CTNND2: variants seen among roughly 807,000 people sequenced by gnomAD.
CTNND2 encodes the protein catenin delta 2.
A neutral mutation model predicts 144.4 loss-of-function variants in CTNND2; 22 were observed. The ratio of observed to expected loss-of-function variants is 0.15; its 90% CI spans 0.11 to 0.22. CTNND2 has a LOEUF of 0.22. Among genes scored for constraint, CTNND2 ranks in the 10% least tolerant of loss-of-function variants. The pLI is 1.00. For synonymous variants in CTNND2, 751 were observed against 695.6 expected (o/e 1.08, Z -1.25); for missense variants, 1,353 against 1,618.8 (o/e 0.84, Z 2.82).
chr5:11,578,985 G>A (rs1484986574), intron 2 of CTNND2, among the ~76,000 whole-genome samples: 1 of 152,106 alleles, frequency 6.6e-6, no homozygotes, highest in East Asian at 1.9e-4. Flanking sequence ...CAACAGGATT[G>A]ATTTTACTGT....
At chr5:11,514,398 T>G (rs1361096064) in intron 3 of CTNND2, among the ~76,000 whole-genome samples, 3 of 152,202 alleles carry the variant, frequency 2.0e-5, no homozygotes, top group Non-Finnish European at 4.4e-5. Flanking sequence ...CTAGTTATGT[T>G]CTTTTCCTGA....
At chr5:11,259,388 C>T (rs1744625049) in intron 9 of CTNND2, among the ~76,000 whole-genome samples, 1 of 152,150 alleles carries the variant, frequency 6.6e-6, no homozygotes, top group Non-Finnish European at 1.5e-5. Flanking sequence ...AGGTCAATTG[C>T]CCCTGCTGAG....
At chr5:11,892,889 C>A (rs1173632942) in intron 1 of CTNND2, among the ~76,000 whole-genome samples, 1 of 152,174 alleles carries the variant, frequency 6.6e-6, no homozygotes, top group Non-Finnish European at 1.5e-5. Context: ...AATTCTTATC[C>A]TCCCTTTCAA....
intron 9 of CTNND2, among the ~76,000 whole-genome samples, chr5:11,317,503 A>T (rs1751634015): frequency 6.6e-6 from 1 of 152,208 alleles, no homozygotes; most frequent in African/African-American, 2.4e-5. Flanking sequence ...TTGAATGCTG[A>T]ATATCTTATA....
chr5:11,853,719 C>T, intron 1 of CTNND2, among the ~76,000 whole-genome samples: 1 of 152,176 alleles, frequency 6.6e-6, no homozygotes, highest in East Asian at 1.9e-4. Flanking sequence ...GTTTCTGAGG[C>T]CAAAAATCTT....
rs544652530 is a variant in CTNND2 at position 11,317,219 on chromosome 5, C to T, written c.1628+29153G>A. On this transcript the variant is annotated intron_variant, in intron 9 of 21. Coordinates refer to ENST00000304623, the MANE Select transcript of CTNND2 (RefSeq NM_001332.4). ...ACTGAGGCTCAATGAGATTTGTTAC[C>T]GAGCCCAGGGTCACACAGCTAGTTA... Among the ~76,000 whole-genome samples the T allele has an allele frequency of 4.6e-5, 7 of 152,210 alleles. No individual in the cohort carries two copies. The South Asian group carries it at 1.0e-3, about 23-fold the overall frequency.
intron 9 of CTNND2, among the ~76,000 whole-genome samples, chr5:11,329,202 C>A (rs949314158): frequency 6.6e-6 from 1 of 152,210 alleles, no homozygotes; most frequent in Admixed American, 6.5e-5. Context: ...GTCACCCAGG[C>A]TGGAGTATAG....
chr5:11,028,107 A>G (rs1479021131), intron 16 of CTNND2, among the ~76,000 whole-genome samples: 2 of 152,134 alleles, frequency 1.3e-5, no homozygotes, highest in African/African-American at 4.8e-5. Flanking sequence ...CTTACTATAG[A>G]TCTCTTCTGA....
intron 12 of CTNND2, among the ~76,000 whole-genome samples, chr5:11,122,998 G>A (rs1483978242): frequency 6.6e-6 from 1 of 152,058 alleles, no homozygotes; most frequent in African/African-American, 2.4e-5. Flanking sequence ...AGGCTGTCTG[G>A]GGTTCCCAGG....
chr5:11,593,815 A>G (rs1197113259), intron 2 of CTNND2, among the ~76,000 whole-genome samples: 1 of 152,192 alleles, frequency 6.6e-6, no homozygotes, highest in East Asian at 1.9e-4. Context: ...AAAATGGACT[A>G]ATACGACAAT....
chr5:11,280,540 A>T (rs191368759), intron 9 of CTNND2, among the ~76,000 whole-genome samples: 1 of 152,310 alleles, frequency 6.6e-6, no homozygotes, highest in African/African-American at 2.4e-5. Context: ...TTGCAAGGAC[A>T]TTAGTTCTGC....
chr5:11,118,899 G>A (rs1286480590), intron 12 of CTNND2, among the ~76,000 whole-genome samples: 1 of 152,186 alleles, frequency 6.6e-6, no homozygotes, highest in Non-Finnish European at 1.5e-5. Context: ...AGATACTGGA[G>A]ATCAAACCCA....
intron 3 of CTNND2, among the ~76,000 whole-genome samples, chr5:11,505,585 C>T (rs1276396238): frequency 6.6e-6 from 1 of 152,004 alleles, no homozygotes; most frequent in Non-Finnish European, 1.5e-5. Context: ...GTTGTAGAGC[C>T]AGAAAACAAA....
intron 1 of CTNND2, among the ~76,000 whole-genome samples, chr5:11,870,779 G>A (rs1278112990): frequency 6.6e-6 from 1 of 152,184 alleles, no homozygotes; most frequent in Admixed American, 6.5e-5. Context: ...GTTAATGCCT[G>A]GAGGGAAACT....
intron 3 of CTNND2, among the ~76,000 whole-genome samples, chr5:11,556,673 A>G (rs992817702): frequency 2.6e-5 from 4 of 152,176 alleles, no homozygotes; most frequent in African/African-American, 9.6e-5. Context: ...AATAAAGAGA[A>G]TGGCCTTTGA....
intron 16 of CTNND2, among the ~76,000 whole-genome samples, chr5:11,069,964 C>T (rs1248751245): frequency 6.6e-6 from 1 of 152,306 alleles, no homozygotes; most frequent in East Asian, 1.9e-4. Context: ...AGCCCTCTAC[C>T]TTAGCAACCC....
intron 9 of CTNND2, among the ~76,000 whole-genome samples, chr5:11,337,813 C>T (rs1170145286): frequency 1.3e-5 from 2 of 151,948 alleles, no homozygotes; most frequent in African/African-American, 4.8e-5. Context: ...TCCAAGATAC[C>T]CTTGATACTG....
chr5:11,704,615 G>T (rs902315503), intron 2 of CTNND2, among the ~76,000 whole-genome samples: 1 of 151,980 alleles, frequency 6.6e-6, no homozygotes, highest in African/African-American at 2.4e-5. Flanking sequence ...TGGTCCTGGA[G>T]GGCTCCTCGA....
At chr5:11,656,457 T>C (rs1782920191) in intron 2 of CTNND2, among the ~76,000 whole-genome samples, 1 of 151,574 alleles carries the variant, frequency 6.6e-6, no homozygotes, top group East Asian at 1.9e-4. Context: ...AGAGTCACTA[T>C]GCAACCTCAT....
Sources: allele counts gnomAD v4.1 joint callset (sites outside exome capture counted in the v4.1 genomes callset), GRCh38; gene constraint gnomAD v4.1.1; transcripts MANE v1.5; gene names NCBI Gene and HGNC (gene_info 2026-07-23, HGNC 2026-07-21).